Variants in APLF observed in about 807,000 individuals in gnomAD.
APLF encodes aprataxin and PNKP like factor.
In APLF, 61 loss-of-function variants were observed where a neutral mutation model predicts 55.6. That is an observed-to-expected ratio of 1.10 (90% CI 0.89 to 1.36). The LOEUF (loss-of-function observed/expected upper bound fraction) is 1.36, where lower values mean the gene tolerates loss of function less well. Ranked by LOEUF, APLF falls within the 40% of genes most tolerant of loss-of-function variation. APLF has a pLI of 0.00. For missense variants in APLF, 611 were observed against 602.5 expected (o/e 1.01, Z -0.15); for synonymous variants, 207 against 214.8 (o/e 0.96, Z 0.32).
intron 5 of APLF, among the ~76,000 whole-genome samples, chr2:68,519,703 T>G: frequency 6.6e-6 from 1 of 151,058 alleles, no homozygotes; most frequent in South Asian, 2.1e-4. Context: ...TTAGTTTCTT[T>G]ATCTACTCAT....
intron 2 of APLF, among the ~76,000 whole-genome samples, chr2:68,491,629 A>G (rs1676364051): frequency 6.6e-6 from 1 of 152,148 alleles, no homozygotes; most frequent in African/African-American, 2.4e-5. Context: ...AGAAATGATT[A>G]TTTTTTATTT....
intron 8 of APLF, among the ~76,000 whole-genome samples, chr2:68,550,748 T>C (rs184897998): frequency 1.3e-5 from 2 of 152,166 alleles, no homozygotes; most frequent in African/African-American, 4.8e-5. Context: ...ACCTTACTGT[T>C]GGTGCTTTTA....
intron 5 of APLF, among the ~76,000 whole-genome samples, chr2:68,514,747 G>T (rs560185360): frequency 6.6e-6 from 1 of 151,734 alleles, no homozygotes. Context: ...TTTCTGCCAC[G>T]TGTGACTTGG....
chr2:68,503,451 T>G (rs570754328), intron 3 of APLF, among the ~76,000 whole-genome samples: 10 of 152,286 alleles, frequency 6.6e-5, no homozygotes, highest in Admixed American at 2.6e-4. Flanking sequence ...TTTCAGCTTT[T>G]AAATTATAGA....
chr2:68,550,427 T>C (rs1670826177), intron 8 of APLF, among the ~76,000 whole-genome samples: 2 of 152,150 alleles, frequency 1.3e-5, no homozygotes, highest in Admixed American at 1.3e-4. Flanking sequence ...AGACGGGGTT[T>C]CACTATGTTG....
At chr2:68,485,483 A>G (rs1291119850) in intron 1 of APLF, among the ~76,000 whole-genome samples, 7 of 152,168 alleles carry the variant, frequency 4.6e-5, no homozygotes, top group Non-Finnish European at 1.0e-4. Flanking sequence ...CACCTTGGTA[A>G]GGTGGTATCT....
intron 1 of APLF, among the ~76,000 whole-genome samples, chr2:68,483,280 G>A (rs1676021379): frequency 6.6e-6 from 1 of 152,164 alleles, no homozygotes; most frequent in Non-Finnish European, 1.5e-5. Context: ...TAAGGACTGT[G>A]GGATTCTCCT....
At chr2:68,501,570 G>A (rs114706630) in intron 2 of APLF, among the ~76,000 whole-genome samples, 411 of 152,246 alleles carry the variant, frequency 2.7e-3, no homozygotes, top group African/African-American at 9.1e-3. Context: ...AATCTAGTTA[G>A]AATTTTTAAG....
In APLF at chr2:68,567,367, A is replaced by T; in HGVS notation, c.1313A>T (p.Tyr438Phe). The T allele has an allele frequency of 6.2e-7, 1 of 1,605,356 alleles. No individual in the cohort carries two copies. Among genetic ancestry groups the T allele is most frequent in the Middle Eastern group, 1.7e-4 (1 of 6,010 alleles). ...AAGAATCCCCAGCACAAGATAGAAT[A>T]TAGACATAATACGCTTCCAGGTAAG... ...YRKNPQHKIE[Y>F]RHNTLPVRNV... Residue 438 changes from tyrosine to phenylalanine, a missense_variant, in exon 9 of 10, where the codon TAT becomes TTT. Tyr to Phe is a conservative substitution (Grantham distance 22). Transcript: ENST00000303795.
intron 2 of APLF, among the ~76,000 whole-genome samples, chr2:68,490,671 AACTTAG>A (rs1676330054): frequency 6.6e-6 from 1 of 152,194 alleles, no homozygotes; most frequent in Admixed American, 6.5e-5. Flanking sequence ...ATATTTCTAA[AACTTAG>A]ACTTTGTTCA....
intron 2 of APLF, among the ~76,000 whole-genome samples, chr2:68,498,251 A>G (rs1219005041): frequency 1.3e-5 from 2 of 152,196 alleles, no homozygotes; most frequent in African/African-American, 4.8e-5. Flanking sequence ...AAGTGTAATA[A>G]AATGTCAAGA....
chr2:68,534,299 G>C (rs947500919), intron 6 of APLF, among the ~76,000 whole-genome samples: 5 of 152,200 alleles, frequency 3.3e-5, no homozygotes, highest in Non-Finnish European at 5.9e-5. Context: ...TTGAAGCTCA[G>C]GAGTGAAGTT....
intron 1 of APLF, among the ~76,000 whole-genome samples, chr2:68,472,913 A>C (rs1675664065): frequency 6.6e-6 from 1 of 152,152 alleles, no homozygotes; most frequent in Admixed American, 6.6e-5. Context: ...GAAAGTACAG[A>C]GAGTTCCCAT....
intron 1 of APLF, among the ~76,000 whole-genome samples, chr2:68,482,709 G>C (rs549482330): frequency 6.6e-6 from 1 of 152,186 alleles, no homozygotes. Context: ...GTGTGGGACA[G>C]TTTGGCTGGC....
intron 1 of APLF, among the ~76,000 whole-genome samples, chr2:68,484,958 A>G (rs1440563997): frequency 6.7e-6 from 1 of 149,058 alleles, no homozygotes; most frequent in Non-Finnish European, 1.5e-5. Flanking sequence ...TTCTTCTGTA[A>G]TATGCCTGTG....
chr2:68,470,051 T>C (rs1022301226), intron 1 of APLF, among the ~76,000 whole-genome samples: 2 of 152,168 alleles, frequency 1.3e-5, no homozygotes, highest in African/African-American at 4.8e-5. Context: ...ACAATGAAAT[T>C]TAATCTTTCT....
At chr2:68,550,652 T>C (rs1221351392) in intron 8 of APLF, among the ~76,000 whole-genome samples, 1 of 152,172 alleles carries the variant, frequency 6.6e-6, no homozygotes, top group Non-Finnish European at 1.5e-5. Context: ...TTGGATTAAA[T>C]GTTTTTCATT....
At position 68,524,790 on chromosome 2, in the gene APLF, A is replaced by G. The variant is rs80055587; in HGVS notation, c.623-1271A>G. ...TGAAGGTACTGGAGACAAGGGAGGA[A>G]CAATGAACAAGGCATGTAAAGTTTC... On this transcript the variant is annotated intron_variant, in intron 5 of 9. Coordinates refer to ENST00000303795, the MANE Select transcript of APLF (RefSeq NM_173545.3). 7.9e-3 allele frequency among the ~76,000 whole-genome samples: 1,204 copies of G among 152,332 alleles called. 16 individuals are homozygous for G. Among genetic ancestry groups the G allele is most frequent in the African/African-American group, 0.028 (1,147 of 41,562 alleles).
At chr2:68,511,685 G>A (rs1669375178) in intron 3 of APLF, among the ~76,000 whole-genome samples, 1 of 151,616 alleles carries the variant, frequency 6.6e-6, no homozygotes, top group Non-Finnish European at 1.5e-5. Context: ...TAATTTGGAA[G>A]TACACCTGTA....
Sources: allele counts gnomAD v4.1 joint callset (sites outside exome capture counted in the v4.1 genomes callset), GRCh38; gene constraint gnomAD v4.1.1; transcripts MANE v1.5; gene names NCBI Gene and HGNC (gene_info 2026-07-23, HGNC 2026-07-21).